DPF1: variants seen among roughly 807,000 people sequenced by gnomAD.
The protein encoded by DPF1 is zinc finger protein neuro-d4.
Under a neutral mutation model 58.7 loss-of-function variants are expected in DPF1, and 14 were observed. The observed-to-expected ratio is 0.24, with a 90% CI of 0.16 to 0.37. The LOEUF (loss-of-function observed/expected upper bound fraction) is 0.37, where lower values mean the gene tolerates loss of function less well. Ranked by LOEUF, DPF1 falls within the 10% of genes least tolerant of loss-of-function variation. DPF1 has a pLI of 1.00. For synonymous variants in DPF1, 216 were observed against 216.0 expected (o/e 1.00, Z 0.00); for missense variants, 345 against 529.9 (o/e 0.65, Z 3.43).
chr19:38,213,010 G>T (rs1227256242), intron 10 of DPF1, among the ~76,000 whole-genome samples: 1 of 149,706 alleles, frequency 6.7e-6, no homozygotes, highest in Non-Finnish European at 1.5e-5. Context: ...TTTTGAGACG[G>T]AATCTCGCTC....
At position 38,222,497 on chromosome 19, in the gene DPF1, G is replaced by C; in HGVS notation, c.191-33C>G. 3.8e-6 allele frequency: 6 copies of C among 1,582,786 alleles called. No homozygotes were observed. Among genetic ancestry groups the C allele is most frequent in the Non-Finnish European group, 5.1e-6 (6 of 1,169,860 alleles). ...GAGAGGGGGGTGAGAGGGCGGCGGC[G>C]GTGGGGCGGCCTGGCCCCGCCCCGC... On this transcript the variant is annotated intron_variant, in intron 2 of 11. Transcript: ENST00000355526. This position sits in a 1 kb window ranked among gnomAD's most constrained non-coding sequence, Gnocchi z 4.9.
chr19:38,212,238 T>TAC, intron 11 of DPF1, 42 bp downstream of exon 11: 1 of 585,196 alleles, frequency 1.7e-6, no homozygotes. Flanking sequence ...GAGATGGCGT[T>TAC]CCCACCCACC....
chr19:38,222,584 A>T lies in DPF1; in HGVS notation c.154T>A (p.Cys52Ser). The T allele has an allele frequency of 2.5e-6, 4 of 1,611,826 alleles. No individual in the cohort carries two copies. The highest frequency in any genetic ancestry group is 3.4e-6 in the Non-Finnish European group (4 of 1,179,152). The part of the protein sequence containing the change: ...DSQTGVAQNN[C>S]YIWMEKTHRG... Reference sequence around the variant, plus strand: ...TGGGTCTTCTCCATCCAGATGTAGCAGTTGTTCTGGGCCACGCCGGTCTGC... The same window carrying T: ...TGGGTCTTCTCCATCCAGATGTAGCTGTTGTTCTGGGCCACGCCGGTCTGC... Residue 52 changes from cysteine to serine, a missense_variant, in exon 2 of 12, where the codon TGC becomes AGC. Coordinates refer to ENST00000355526, the MANE Select transcript of DPF1 (RefSeq NM_001135155.3). This position sits in a 1 kb window ranked among gnomAD's most constrained non-coding sequence, Gnocchi z 4.9.
Position 38,211,248 on chromosome 19 carries a change from G to C in DPF1, c.*815C>G, listed in dbSNP as rs916484273. Reference sequence around the variant, plus strand: ...TCACTCCCCCAAAATGGCCAGCGAGGGGGGCGGGGGCCGCCAGGCCTGGCG... The same window carrying C: ...TCACTCCCCCAAAATGGCCAGCGAGCGGGGCGGGGGCCGCCAGGCCTGGCG... On this transcript the variant is annotated 3_prime_UTR_variant, in exon 12 of 12. Coordinates refer to ENST00000355526, the MANE Select transcript of DPF1 (RefSeq NM_001135155.3). The surrounding 1 kb of genome is among the most constrained non-coding windows in gnomAD (Gnocchi z 4.0). 4 of 152,358 alleles carry C rather than the reference G, an allele frequency of 2.6e-5. No homozygotes were observed. Among genetic ancestry groups the C allele is most frequent in the East Asian group, 1.9e-4 (1 of 5,166 alleles). The allele number at this position is 152,358 out of a possible 1,614,324, so 9.4% of individuals were successfully genotyped here.
At chr19:38,220,565 G>A (rs2146191353) in intron 3 of DPF1, among the ~76,000 whole-genome samples, 1 of 150,626 alleles carries the variant, frequency 6.6e-6, no homozygotes, top group African/African-American at 2.4e-5. Context: ...AGCTTGCAGT[G>A]AGATCGCGCC....
chr19:38,222,758 A>G lies in DPF1; in HGVS notation c.30-50T>C. ...CGGCTGTCAGCAAGGGCAGGCGCAC[A>G]GGGTCGCCCAGCACCCCTTCCCCGG... is the stretch of plus-strand genomic sequence containing the variant. On this transcript the variant is annotated intron_variant, in intron 1 of 11. Coordinates refer to ENST00000355526, the MANE Select transcript of DPF1 (RefSeq NM_001135155.3). The surrounding 1 kb of genome is among the most constrained non-coding windows in gnomAD (Gnocchi z 4.9). 9 of 1,496,272 alleles carry G rather than the reference A, an allele frequency of 6.0e-6. No individual in the cohort carries two copies. Among genetic ancestry groups the G allele is most frequent in the Middle Eastern group, 2.4e-4 (1 of 4,128 alleles). The allele number at this position is 1,496,272 out of a possible 1,614,324, so 92.7% of individuals were successfully genotyped here. A position where few individuals can be genotyped will look rare whatever the true frequency, so the allele number is the denominator to read the frequency against.
At chr19:38,217,421 CA>C in intron 7 of DPF1, 38 bp downstream of exon 7, 1 of 1,541,814 alleles carries the variant, frequency 6.5e-7, no homozygotes, top group Non-Finnish European at 8.7e-7. Flanking sequence ...TCCCCACTCC[CA>C]GGGCCCCTGG....
rs1388983969 is a variant in DPF1 at position 38,211,867 on chromosome 19, G to A, written c.*196C>T. ...AAGGGACAGAGAGGGAGGGAGGGAG[G>A]GAGAGGCCCTGGCCGGGCCCACCCA... On this transcript the variant is annotated 3_prime_UTR_variant, in exon 12 of 12. Transcript: ENST00000355526. This position sits in a 1 kb window ranked among gnomAD's most constrained non-coding sequence, Gnocchi z 4.0. The A allele has an allele frequency of 3.3e-6, 2 of 609,116 alleles. No homozygotes were observed. Among genetic ancestry groups the A allele is most frequent in the Non-Finnish European group, 2.9e-6 (1 of 347,668 alleles). The allele number at this position is 609,116 out of a possible 1,614,324, so 37.7% of individuals were successfully genotyped here.
chr19:38,228,253 C>G (rs953291933), upstream of DPF1, among the ~76,000 whole-genome samples: 11 of 152,116 alleles, frequency 7.2e-5, no homozygotes, highest in Middle Eastern at 3.4e-3. Context: ...TCCCTGCCCC[C>G]CTTCCTCTCC....
chr19:38,218,768 A>G, intron 4 of DPF1, 106 bp from the exon 5 acceptor site: 1 of 1,534,118 alleles, frequency 6.5e-7, no homozygotes, highest in Non-Finnish European at 9.0e-7. Context: ...ATAAGTCAGG[A>G]GTTCTTCCAA....
chr19:38,216,199 C>T lies in DPF1; in HGVS notation c.839G>A (p.Gly280Asp). The change falls in exon 9 of 12, where the codon GGC becomes GAC. Residue 280 changes from glycine (G) to aspartate (D), a missense_variant. Transcript: ENST00000355526. ...CTCGGGACACCCCGTCTTCTTGGAG[C>T]CCCCCAGGCAGAAGTCACAGTAGCC... ...PNGYCDFCLG[G>D]SKKTGCPEDL... 1 of 1,614,084 alleles carries T rather than the reference C, an allele frequency of 6.2e-7. No homozygotes were observed.
Position 38,217,883 on chromosome 19 carries a change from GGA to G in DPF1, c.517-9_517-8del. 1 of 1,614,040 alleles carries G rather than the reference GGA, an allele frequency of 6.2e-7. No homozygotes were observed. The highest frequency in any genetic ancestry group is 8.5e-7 in the Non-Finnish European group (1 of 1,179,988). On this transcript the variant is annotated splice_region_variant and splice_polypyrimidine_tract_variant and intron_variant, in intron 5 of 11. Transcript: ENST00000355526. The stretch of plus-strand genomic sequence containing the variant: ...GACCCCCGATGCCATATGCCTGTGG[GGA>G]GAGTCAGGAGTGAGGGGCCAAGAAA...
intron 6 of DPF1, 90 bp from the exon 7 acceptor site, chr19:38,217,681 A>AGAGGT: frequency 6.5e-7 from 1 of 1,547,472 alleles, no homozygotes. Context: ...CTCCCCCCTC[A>AGAGGT]GCCAGAGACC....
At chr19:38,214,643 C>G (rs1320825407) in intron 9 of DPF1, among the ~76,000 whole-genome samples, 1 of 152,022 alleles carries the variant, frequency 6.6e-6, no homozygotes, top group African/African-American at 2.4e-5. Context: ...ATGCCTTGGC[C>G]CCTGTCTCTT....
At chr19:38,226,538 A>C (rs111505469), upstream of DPF1, among the ~76,000 whole-genome samples, 2 of 144,738 alleles carry the variant, frequency 1.4e-5, no homozygotes, top group African/African-American at 5.2e-5. Flanking sequence ...ACACACACAC[A>C]CTCCTCTAGT....
Position 38,222,664 on chromosome 19 carries a change from C to T in DPF1, c.74G>A (p.Ser25Asn), listed in dbSNP as rs200504094. 1.2e-5 allele frequency: 19 copies of T among 1,607,622 alleles called. No individual in the cohort carries two copies. In the East Asian group the frequency reaches 4.0e-4, roughly 34 times the overall value. The change falls in exon 2 of 12, where the codon AGT (serine) becomes AAT (asparagine). Residue 25 changes from serine to asparagine, a missense_variant. By Grantham distance (46) the Ser-to-Asn change is conservative. Coordinates refer to ENST00000355526, the MANE Select transcript of DPF1 (RefSeq NM_001135155.3). This position sits in a 1 kb window ranked among gnomAD's most constrained non-coding sequence, Gnocchi z 4.9. ...FYREAIEHCR[S>N]YNARLCAERS... ...CTCGGCGCACAGGCGCGCGTTGTAA[C>T]TGCGGCAGTGCTCGATGGCCTCGCG... is the stretch of plus-strand genomic sequence containing the variant.
Position 38,222,788 on chromosome 19 carries a change from CG to C in DPF1, c.30-81del, listed in dbSNP as rs1967600634. ...CGCCCAGCACCCCTTCCCCGGCTGC[CG>C]GGCCGCCCAGGCTCGGGAGGGGTGG... On this transcript the variant is annotated intron_variant, in intron 1 of 11. Transcript: ENST00000355526. The surrounding 1 kb of genome is among the most constrained non-coding windows in gnomAD (Gnocchi z 4.9). 25 of 1,426,424 alleles carry C rather than the reference CG, an allele frequency of 1.8e-5. No homozygotes were observed. Among genetic ancestry groups the C allele is most frequent in the Non-Finnish European group, 2.3e-5 (25 of 1,090,658 alleles). 88.4% of individuals were successfully genotyped at this position (1,426,424 alleles called of 1,614,324 possible).
rs1422559399 is a variant in DPF1, at chr19:38,222,810, GGT to G, written c.30-104_30-103del. The G allele has an allele frequency of 1.4e-6, 2 of 1,398,820 alleles. No homozygotes were observed. The highest frequency in any genetic ancestry group is 1.5e-5 in the African/African-American group (1 of 66,054). The allele number at this position is 1,398,820 out of a possible 1,614,324, so 86.7% of individuals were successfully genotyped here. On this transcript the variant is annotated intron_variant, in intron 1 of 11. Transcript: ENST00000355526. The surrounding 1 kb of genome is among the most constrained non-coding windows in gnomAD (Gnocchi z 4.9). ...TGCCGGGCCGCCCAGGCTCGGGAGG[GGT>G]GGGCCGACCCCTCCAGCCTCACCTC...
intron 1 of DPF1, 147 bp downstream of exon 1, chr19:38,223,967 G>T: frequency 1.8e-6 from 2 of 1,109,966 alleles, no homozygotes; most frequent in Non-Finnish European, 2.3e-6. Flanking sequence ...GAGACCCACA[G>T]TCACACACTC....
Sources: allele counts gnomAD v4.1 joint callset (sites outside exome capture counted in the v4.1 genomes callset), GRCh38; gene constraint gnomAD v4.1.1; non-coding constraint Gnocchi (gnomAD v3.1); transcripts MANE v1.5; gene names NCBI Gene and HGNC (gene_info 2026-07-23, HGNC 2026-07-21).